The following TBC1D1 variants were observed in gnomAD, a reference collection of about 807,000 sequenced individuals.
TBC1D1 encodes the protein TBC1 (tre-2/USP6, BUB2, cdc16) domain family, member 1.
Under a neutral mutation model 125.6 loss-of-function variants are expected in TBC1D1, and 89 were observed. The ratio of observed to expected loss-of-function variants is 0.71; its 90% CI spans 0.60 to 0.85. The LOEUF is 0.85. TBC1D1 is among the 40% of genes least tolerant of loss of function. TBC1D1 has a pLI of 0.00. For synonymous variants in TBC1D1, 565 were observed against 564.1 expected (o/e 1.00, Z -0.02); for missense variants, 1,377 against 1,469.2 (o/e 0.94, Z 1.03).
intron 1 of TBC1D1, among the ~76,000 whole-genome samples, chr4:37,897,139 A>G (rs1181504338): frequency 1.3e-5 from 2 of 152,212 alleles, no homozygotes; most frequent in East Asian, 1.9e-4. Flanking sequence ...AGAATGGTCA[A>G]AGGTTGAGTG....
At chr4:37,910,664 C>T (rs1277183300) in intron 2 of TBC1D1, among the ~76,000 whole-genome samples, 1 of 151,526 alleles carries the variant, frequency 6.6e-6, no homozygotes, top group Admixed American at 6.6e-5. Flanking sequence ...GTAGTCGGGG[C>T]TGGGGAGTGA....
chr4:38,046,224 T>C (rs952911099), intron 10 of TBC1D1, among the ~76,000 whole-genome samples: 1 of 151,886 alleles, frequency 6.6e-6, no homozygotes, highest in Non-Finnish European at 1.5e-5. Flanking sequence ...AATTAAAAAT[T>C]AGCCGGGCGT....
At chr4:38,051,966 C>A (rs1750641797) in intron 11 of TBC1D1, 4 of 1,550,822 alleles carry the variant, frequency 2.6e-6, no homozygotes, top group Middle Eastern at 3.3e-4. Flanking sequence ...TGCTCCTCCA[C>A]CTCGTCTTAA....
chr4:38,086,551 A>G lies in TBC1D1; in HGVS notation c.2051-3381A>G, dbSNP rs144548799. ...GAGGTGAAATTAATACTAGTGCTCA[A>G]ATATGTCTTTGTATTCTGGACTTGG... On this transcript the variant is annotated intron_variant, in intron 12 of 19. Transcript: ENST00000261439. 1.8e-3 allele frequency among the ~76,000 whole-genome samples: 267 copies of G among 152,298 alleles called. 1 individual carries two copies. Among genetic ancestry groups the G allele is most frequent in the Non-Finnish European group, 2.1e-3 (146 of 68,032 alleles).
At chr4:38,050,436 G>C (rs1355362509) in intron 11 of TBC1D1, among the ~76,000 whole-genome samples, 2 of 152,196 alleles carry the variant, frequency 1.3e-5, no homozygotes, top group Non-Finnish European at 2.9e-5. Flanking sequence ...CTCACTGTAA[G>C]AATTCTAGAT....
intron 6 of TBC1D1, among the ~76,000 whole-genome samples, chr4:38,026,514 C>T (rs1244972200): frequency 6.6e-6 from 1 of 152,248 alleles, no homozygotes; most frequent in Non-Finnish European, 1.5e-5. Context: ...GTAGGTGCCT[C>T]GCACACTGTT....
intron 2 of TBC1D1, among the ~76,000 whole-genome samples, chr4:37,926,727 GCCA>G (rs1722203111): frequency 6.6e-6 from 1 of 152,226 alleles, no homozygotes; most frequent in South Asian, 2.1e-4. Context: ...TTTGGCCACT[GCCA>G]CCAACTCTGT....
chr4:38,135,418 G>A (rs1044018484), intron 19 of TBC1D1, among the ~76,000 whole-genome samples: 3 of 152,236 alleles, frequency 2.0e-5, no homozygotes, highest in Admixed American at 2.0e-4. Context: ...CCCACACTGA[G>A]CCAGGTGCTG....
chr4:38,096,580 T>G (rs1361289189), intron 14 of TBC1D1, among the ~76,000 whole-genome samples: 1 of 152,138 alleles, frequency 6.6e-6, no homozygotes, highest in Non-Finnish European at 1.5e-5. Context: ...GTGCTGACAG[T>G]GGATGTTGTG....
Position 38,120,483 on chromosome 4 carries a change from CTT to C in TBC1D1, c.2962+2296_2962+2297del, listed in dbSNP as rs1333606367. Among the ~76,000 whole-genome samples, 5 of 152,274 alleles carry C rather than the reference CTT, an allele frequency of 3.3e-5. No homozygotes were observed. In the East Asian group the frequency reaches 5.8e-4, roughly 18 times the overall value. ...AAGCCTGCCATTCAGTCACTATAGT[CTT>C]TTTTGGCCTAGGGCCCATTTCATTA... is the stretch of plus-strand genomic sequence containing the variant. On this transcript the variant is annotated intron_variant, in intron 17 of 19. Coordinates refer to ENST00000261439, the MANE Select transcript of TBC1D1 (RefSeq NM_015173.4).
At chr4:38,134,483 G>T (rs1320771205) in intron 19 of TBC1D1, among the ~76,000 whole-genome samples, 1 of 152,194 alleles carries the variant, frequency 6.6e-6, no homozygotes, top group Non-Finnish European at 1.5e-5. Flanking sequence ...CTCAAGGGAA[G>T]TCTCCAGAGG....
At chr4:38,105,309 A>C (rs1014722312) in intron 15 of TBC1D1, among the ~76,000 whole-genome samples, 2 of 152,222 alleles carry the variant, frequency 1.3e-5, no homozygotes, top group Non-Finnish European at 2.9e-5. Flanking sequence ...TCCTTACAAC[A>C]TGATCAGGTA....
chr4:38,061,913 C>T (rs995766891), intron 12 of TBC1D1, among the ~76,000 whole-genome samples: 3 of 152,128 alleles, frequency 2.0e-5, no homozygotes, highest in Admixed American at 6.5e-5. Flanking sequence ...CAATAATTTA[C>T]GTACCAGCAG....
At chr4:38,044,516 T>A in intron 9 of TBC1D1, 26 bp downstream of exon 9, 1 of 1,595,744 alleles carries the variant, frequency 6.3e-7, no homozygotes, top group Non-Finnish European at 8.5e-7. Context: ...TCTCCTGATT[T>A]AAGTTAAATC....
intron 3 of TBC1D1, among the ~76,000 whole-genome samples, chr4:38,016,508 T>C (rs762490604): frequency 6.6e-5 from 10 of 152,246 alleles, no homozygotes; most frequent in Non-Finnish European, 1.3e-4. Context: ...AATAGCAGCC[T>C]CACTTCCTGC....
intron 2 of TBC1D1, among the ~76,000 whole-genome samples, chr4:37,992,080 C>G (rs1424477114): frequency 6.6e-6 from 1 of 152,140 alleles, no homozygotes; most frequent in Non-Finnish European, 1.5e-5. Context: ...TGAGGGTTAG[C>G]AGGACTGTGT....
Position 38,133,234 on chromosome 4 carries a change from C to A in TBC1D1, c.3283C>A (p.Leu1095Ile). The A allele has an allele frequency of 6.2e-7, 1 of 1,613,972 alleles. No homozygotes were observed. The highest frequency in any genetic ancestry group is 8.5e-7 in the Non-Finnish European group (1 of 1,179,938). The change falls in exon 19 of 20, where the codon CTT (leucine) becomes ATT (isoleucine). Residue 1095 changes from leucine to isoleucine, a missense_variant. By Grantham distance (5) the Leu-to-Ile change is conservative. Transcript: ENST00000261439. ...CAACAGCAGCTTACGCAAACAGAAC[C>A]TTGACCTCCTTGAACAGTTGCAGGT...
chr4:37,999,627 A>G (rs1738589329), intron 2 of TBC1D1, among the ~76,000 whole-genome samples: 1 of 151,934 alleles, frequency 6.6e-6, no homozygotes, highest in Admixed American at 6.6e-5. Flanking sequence ...GGAGGGGAGG[A>G]GACATTTGGG....
chr4:37,926,731 C>T (rs1722203721), intron 2 of TBC1D1, among the ~76,000 whole-genome samples: 1 of 152,246 alleles, frequency 6.6e-6, no homozygotes, highest in African/African-American at 2.4e-5. Flanking sequence ...GCCACTGCCA[C>T]CAACTCTGTG....
Sources: allele counts gnomAD v4.1 joint callset (sites outside exome capture counted in the v4.1 genomes callset), GRCh38; gene constraint gnomAD v4.1.1; transcripts MANE v1.5; gene names NCBI Gene and HGNC (gene_info 2026-07-23, HGNC 2026-07-21).